ADK: variants seen among roughly 807,000 people sequenced by gnomAD.
ADK encodes adenosine kinase, also known as N6,N6-dimethyladenosine kinase.
A neutral mutation model predicts 44.7 loss-of-function variants in ADK; 24 were observed. That is an observed-to-expected ratio of 0.54 (90% CI 0.39 to 0.76). ADK has a LOEUF of 0.76. Among genes scored for constraint, ADK ranks in the 30% least tolerant of loss-of-function variants. The pLI, the probability that ADK is intolerant of heterozygous loss-of-function variation, is 0.00. For synonymous variants in ADK, 128 were observed against 142.6 expected (o/e 0.90, Z 0.73); for missense variants, 321 against 425.1 (o/e 0.76, Z 2.15).
At chr10:74,606,529 A>G (rs1371920260) in intron 9 of ADK, among the ~76,000 whole-genome samples, 1 of 152,166 alleles carries the variant, frequency 6.6e-6, no homozygotes, top group Non-Finnish European at 1.5e-5. Context: ...TTCAGTTTCC[A>G]TGCAGTTGTG....
intron 10 of ADK, among the ~76,000 whole-genome samples, chr10:74,688,338 G>A (rs1312329305): frequency 1.3e-5 from 2 of 152,106 alleles, no homozygotes; most frequent in Non-Finnish European, 2.9e-5. Context: ...CCATTACAAT[G>A]TAAGTTTCAG....
intron 6 of ADK, among the ~76,000 whole-genome samples, chr10:74,449,623 A>G (rs1159901414): frequency 1.3e-5 from 2 of 152,218 alleles, no homozygotes; most frequent in Non-Finnish European, 2.9e-5. Flanking sequence ...AGGTATCTTA[A>G]TGTTTTTTTC....
chr10:74,626,034 T>C (rs1270878504), intron 9 of ADK, among the ~76,000 whole-genome samples: 1 of 152,208 alleles, frequency 6.6e-6, no homozygotes, highest in Non-Finnish European at 1.5e-5. Context: ...GTGTAGTTGA[T>C]AATAAATTAG....
chr10:74,305,280 A>C (rs1317250803), intron 3 of ADK, among the ~76,000 whole-genome samples: 1 of 152,192 alleles, frequency 6.6e-6, no homozygotes, highest in African/African-American at 2.4e-5. Flanking sequence ...ATATAATTAG[A>C]TGAATATAGA....
chr10:74,634,490 G>A (rs748136171), intron 9 of ADK, among the ~76,000 whole-genome samples: 5 of 152,170 alleles, frequency 3.3e-5, no homozygotes, highest in Non-Finnish European at 7.3e-5. Context: ...TGGGATTACA[G>A]GCGTGAGCCA....
intron 4 of ADK, among the ~76,000 whole-genome samples, chr10:74,343,220 G>A (rs535192552): frequency 1.6e-4 from 25 of 152,042 alleles, no homozygotes; most frequent in South Asian, 6.2e-4. Context: ...ACAACATGGC[G>A]ATTGTGGGTG....
At chr10:74,331,638 C>G (rs752760183) in intron 4 of ADK, among the ~76,000 whole-genome samples, 3 of 152,146 alleles carry the variant, frequency 2.0e-5, no homozygotes, top group Non-Finnish European at 4.4e-5. Context: ...GCGCCTGCCA[C>G]CACACCCAGC....
intron 6 of ADK, among the ~76,000 whole-genome samples, chr10:74,426,633 G>C (rs1844806364): frequency 6.6e-6 from 1 of 152,120 alleles, no homozygotes; most frequent in African/African-American, 2.4e-5. Context: ...ATGTGGGAGG[G>C]AGTGAGACTT....
intron 3 of ADK, among the ~76,000 whole-genome samples, chr10:74,263,160 T>C (rs569504372): frequency 1.9e-4 from 29 of 152,312 alleles, no homozygotes; most frequent in Admixed American, 3.9e-4. Context: ...TTTCCACATA[T>C]ACTGCACAGG....
intron 6 of ADK, among the ~76,000 whole-genome samples, chr10:74,404,046 G>T (rs2132896082): frequency 6.6e-6 from 1 of 152,024 alleles, no homozygotes; most frequent in South Asian, 2.1e-4. Flanking sequence ...CTAATTTTTT[G>T]TATTTTTAGT....
chr10:74,535,808 C>T (rs1849430644), intron 7 of ADK, among the ~76,000 whole-genome samples: 1 of 151,884 alleles, frequency 6.6e-6, no homozygotes, highest in Non-Finnish European at 1.5e-5. Context: ...ATTTTGAACT[C>T]CTGGCCTCAA....
At chr10:74,638,067 C>G (rs1254752610) in intron 9 of ADK, among the ~76,000 whole-genome samples, 1 of 152,036 alleles carries the variant, frequency 6.6e-6, no homozygotes, top group African/African-American at 2.4e-5. Flanking sequence ...GAAGAGATGG[C>G]CATTTAAAAA....
chr10:74,301,409 G>C (rs1282186040), intron 3 of ADK, among the ~76,000 whole-genome samples: 1 of 151,434 alleles, frequency 6.6e-6, no homozygotes, highest in Non-Finnish European at 1.5e-5. Flanking sequence ...AGCTTCTCGG[G>C]AGGCTAAGAC....
At chr10:74,708,169 A>AG in intron 10 of ADK, 152 bp from the exon 11 acceptor site, 1 of 788,824 alleles carries the variant, frequency 1.3e-6, no homozygotes, top group Non-Finnish European at 2.0e-6. Context: ...AAAAAAAAAA[A>AG]AGACCTCCCT....
intron 7 of ADK, among the ~76,000 whole-genome samples, chr10:74,555,743 G>T (rs1365175321): frequency 1.3e-5 from 2 of 152,130 alleles, no homozygotes; most frequent in Non-Finnish European, 2.9e-5. Context: ...ATCATGTCTT[G>T]GGAGTATCCT....
intron 4 of ADK, among the ~76,000 whole-genome samples, chr10:74,352,739 C>T (rs567503760): frequency 6.6e-6 from 1 of 152,156 alleles, no homozygotes; most frequent in South Asian, 2.1e-4. Flanking sequence ...AAATAACAAC[C>T]CTATCAAAAA....
At chr10:74,160,262 TC>T (rs1454525853) in intron 1 of ADK, among the ~76,000 whole-genome samples, 3 of 152,174 alleles carry the variant, frequency 2.0e-5, no homozygotes, top group Non-Finnish European at 2.9e-5. Context: ...GAAGTTAGCG[TC>T]CCTTTTCATG....
intron 1 of ADK, among the ~76,000 whole-genome samples, chr10:74,180,848 G>A (rs1842529893): frequency 6.6e-6 from 1 of 152,122 alleles, no homozygotes; most frequent in African/African-American, 2.4e-5. Context: ...ACCGCCCCCA[G>A]CCCCATTTCT....
In ADK at chr10:74,181,069, T is replaced by C. The variant is rs183180063; in HGVS notation, c.66-19695T>C. Among the ~76,000 whole-genome samples the C allele has an allele frequency of 4.0e-3, 610 of 152,310 alleles. 3 individuals are homozygous for C. The highest frequency in any genetic ancestry group is 0.014 in the African/African-American group (573 of 41,554). Reference sequence around the variant, plus strand: ...TAAATTTTTAGACAGGAAACAAATTTACCTATCTAATTTTCTCATTTTACA... The same window carrying C: ...TAAATTTTTAGACAGGAAACAAATTCACCTATCTAATTTTCTCATTTTACA... On this transcript the variant is annotated intron_variant, in intron 1 of 10. Transcript: ENST00000539909.
Sources: allele counts gnomAD v4.1 joint callset (sites outside exome capture counted in the v4.1 genomes callset), GRCh38; gene constraint gnomAD v4.1.1; transcripts MANE v1.5; gene names NCBI Gene and HGNC (gene_info 2026-07-23, HGNC 2026-07-21).